CRISPLD1: variants seen among roughly 807,000 people sequenced by gnomAD.
CRISPLD1 encodes cysteine-rich secretory protein LCCL domain-containing 1.
A neutral mutation model predicts 77.5 loss-of-function variants in CRISPLD1; 60 were observed. The observed-to-expected ratio is 0.77, with a 90% confidence interval of 0.63 to 0.96. CRISPLD1 has a LOEUF of 0.96. Ranked by LOEUF, CRISPLD1 falls within the 40% of genes least tolerant of loss-of-function variation. CRISPLD1 has a pLI of 0.00. For synonymous variants in CRISPLD1, 195 were observed against 200.1 expected (o/e 0.97, Z 0.22); for missense variants, 623 against 615.8 (o/e 1.01, Z -0.12).
chr8:75,023,734 C>G (rs1813182044), intron 12 of CRISPLD1, among the ~76,000 whole-genome samples: 1 of 151,828 alleles, frequency 6.6e-6, no homozygotes, highest in Non-Finnish European at 1.5e-5. Context: ...GTCTCATTTA[C>G]TACTTAAAAT....
At chr8:75,012,374 G>A (rs1344067473) in intron 2 of CRISPLD1, 59 bp from the exon 3 acceptor site, 1 of 959,410 alleles carries the variant, frequency 1.0e-6, no homozygotes, top group African/African-American at 1.6e-5. Context: ...TCAACACTGT[G>A]TTCTGCAGAA....
At chr8:75,016,739 A>G in intron 7 of CRISPLD1, 34 bp downstream of exon 7, 2 of 1,586,178 alleles carry the variant, frequency 1.3e-6, no homozygotes, top group Non-Finnish European at 1.7e-6. Flanking sequence ...AAAATTTTCA[A>G]AGTACATAAA....
intron 2 of CRISPLD1, among the ~76,000 whole-genome samples, chr8:74,999,240 C>T (rs1037018036): frequency 1.3e-5 from 2 of 152,100 alleles, no homozygotes; most frequent in Non-Finnish European, 2.9e-5. Context: ...TAAAAGACAG[C>T]AGATTTTCTA....
intron 10 of CRISPLD1, among the ~76,000 whole-genome samples, chr8:75,017,721 A>C (rs1813060007): frequency 6.6e-6 from 1 of 152,178 alleles, no homozygotes; most frequent in Non-Finnish European, 1.5e-5. Flanking sequence ...TCCCAGTGTA[A>C]AGCAATACAT....
chr8:74,996,889 T>C (rs1205688256), intron 2 of CRISPLD1, among the ~76,000 whole-genome samples: 1 of 151,896 alleles, frequency 6.6e-6, no homozygotes, highest in African/African-American at 2.4e-5. Context: ...AGCTAATTTT[T>C]AAATTTTTTG....
rs1813051006 is a variant in CRISPLD1 at position 75,017,344 on chromosome 8, A to G, written c.1021A>G (p.Ile341Val). 3 of 1,608,680 alleles carry G rather than the reference A, an allele frequency of 1.9e-6. No homozygotes were observed. The highest frequency in any genetic ancestry group is 2.2e-5 in the South Asian group (2 of 89,268). Reference protein sequence around the residue: ...EMQSSICRAAIHYGIIDNDGG... With the variant: ...EMQSSICRAAVHYGIIDNDGG... ...GCAATCCAGCATCTGTAGAGCTGCA[A>G]TTCATTATGGTATAATAGACAATGA... Residue 341 changes from isoleucine to valine, a missense_variant, in exon 10 of 15, where the codon ATT becomes GTT. By Grantham distance (29) the Ile-to-Val change is conservative. Transcript: ENST00000262207.
intron 12 of CRISPLD1, 137 bp downstream of exon 12, chr8:75,020,216 A>G: frequency 2.9e-6 from 2 of 678,710 alleles, no homozygotes; most frequent in Non-Finnish European, 5.2e-6. Flanking sequence ...CATAAACTAC[A>G]TGCACTCCAG....
chr8:74,993,384 TATC>T (rs1200435911), intron 2 of CRISPLD1, among the ~76,000 whole-genome samples: 2 of 152,196 alleles, frequency 1.3e-5, no homozygotes, highest in Non-Finnish European at 2.9e-5. Context: ...GTTTAAAGAA[TATC>T]ATTATTACTT....
chr8:75,022,924 T>C (rs1045069261), intron 12 of CRISPLD1, among the ~76,000 whole-genome samples: 1 of 152,130 alleles, frequency 6.6e-6, no homozygotes, highest in African/African-American at 2.4e-5. Context: ...TATTACTTAG[T>C]GTCTTATAAA....
At chr8:74,995,105 G>A (rs1003416543) in intron 2 of CRISPLD1, among the ~76,000 whole-genome samples, 1 of 152,078 alleles carries the variant, frequency 6.6e-6, no homozygotes, top group African/African-American at 2.4e-5. Flanking sequence ...AGATCATCAA[G>A]GGAATGAGTA....
At chr8:74,988,623 C>G (rs1023600924) in intron 2 of CRISPLD1, among the ~76,000 whole-genome samples, 5 of 152,046 alleles carry the variant, frequency 3.3e-5, no homozygotes. Context: ...CACTTGAGGT[C>G]AGGAGTTCCA....
intron 2 of CRISPLD1, among the ~76,000 whole-genome samples, chr8:74,995,468 G>C (rs188827422): frequency 6.6e-6 from 1 of 152,252 alleles, no homozygotes; most frequent in Admixed American, 6.5e-5. Context: ...TCTCCTGTGG[G>C]TCAGGTAGTT....
Position 75,032,356 on chromosome 8 carries a change from A to T in CRISPLD1, c.*114A>T, listed in dbSNP as rs913198255. On this transcript the variant is annotated 3_prime_UTR_variant, in exon 15 of 15. Coordinates refer to ENST00000262207, the MANE Select transcript of CRISPLD1 (RefSeq NM_031461.6). ...TACATCAACTATTTTCAGCCCAAAAAGGTGCCAAATGCATATAAATCTTGA... is the reference window on the plus strand; with the variant it reads ...TACATCAACTATTTTCAGCCCAAAATGGTGCCAAATGCATATAAATCTTGA... The T allele has an allele frequency of 2.2e-5, 14 of 637,486 alleles. No individual in the cohort carries two copies. The Admixed American group carries it at 4.2e-4, about 19-fold the overall frequency. 39.5% of individuals were successfully genotyped at this position (637,486 alleles called of 1,614,324 possible). A position where few individuals can be genotyped will look rare whatever the true frequency, so the allele number is the denominator to read the frequency against.
intron 2 of CRISPLD1, among the ~76,000 whole-genome samples, chr8:74,986,986 A>G (rs1357105879): frequency 6.6e-6 from 1 of 152,226 alleles, no homozygotes; most frequent in Non-Finnish European, 1.5e-5. Context: ...AATCTATTAT[A>G]TTCCTTCCAT....
chr8:75,008,913 T>C (rs1250919655), intron 2 of CRISPLD1, among the ~76,000 whole-genome samples: 1 of 152,188 alleles, frequency 6.6e-6, no homozygotes, highest in Non-Finnish European at 1.5e-5. Context: ...TTATTCCGAT[T>C]TCTATACAAC....
chr8:75,012,340 GAAA>G (rs1266508479), intron 2 of CRISPLD1, 90 bp from the exon 3 acceptor site: 1 of 758,610 alleles, frequency 1.3e-6, no homozygotes, highest in Non-Finnish European at 2.3e-6. Flanking sequence ...TGTAAAGAAA[GAAA>G]GAAGAAAATG....
intron 2 of CRISPLD1, among the ~76,000 whole-genome samples, chr8:74,998,421 A>C: frequency 6.6e-6 from 1 of 152,070 alleles, no homozygotes; most frequent in African/African-American, 2.4e-5. Context: ...GCCGTGGCTC[A>C]TACCACGGCC....
At chr8:75,017,785 C>T (rs976925863) in intron 10 of CRISPLD1, among the ~76,000 whole-genome samples, 1 of 152,078 alleles carries the variant, frequency 6.6e-6, no homozygotes, top group African/African-American at 2.4e-5. Flanking sequence ...GCATATTCTT[C>T]CTGTCCTATT....
chr8:75,016,822 T>TAA, intron 7 of CRISPLD1, 59 bp from the exon 8 acceptor site: 1 of 1,527,586 alleles, frequency 6.5e-7, no homozygotes, highest in East Asian at 2.3e-5. Context: ...AGGCTATATA[T>TAA]AATGAACTAC....
Sources: gnomAD v4.1 joint callset for allele counts (sites outside exome capture counted in the v4.1 genomes callset) on GRCh38, gnomAD v4.1.1 for gene constraint, MANE v1.5 for transcripts, NCBI Gene and HGNC (gene_info 2026-07-23, HGNC 2026-07-21) for gene names.